The following MOK variants were observed in gnomAD, a reference collection of about 807,000 sequenced individuals.
MOK encodes MOK protein kinase, also known as MAPK/MAK/MRK overlapping kinase.
A neutral mutation model predicts 54.2 loss-of-function variants in MOK; 59 were observed. The observed-to-expected ratio is 1.09, with a 90% confidence interval of 0.88 to 1.35. MOK has a LOEUF of 1.35. Among genes scored for constraint, MOK ranks in the 40% most tolerant of loss-of-function variants. The pLI, the probability that MOK is intolerant of heterozygous loss-of-function variation, is 0.00. For synonymous variants in MOK, 210 were observed against 202.7 expected, an observed-to-expected ratio of 1.04 and a Z score of -0.31; for missense variants, 517 against 526.2, an observed-to-expected ratio of 0.98 and a Z score of 0.17.
At chr14:102,262,337 G>C (rs986614538) in intron 4 of MOK, among the ~76,000 whole-genome samples, 3 of 152,120 alleles carry the variant, frequency 2.0e-5, no homozygotes, top group Non-Finnish European at 4.4e-5. Flanking sequence ...TTTTTTAGTA[G>C]AGACAGGGTT....
At chr14:102,269,724 C>T (rs2068204982) in intron 2 of MOK, among the ~76,000 whole-genome samples, 1 of 152,162 alleles carries the variant, frequency 6.6e-6, no homozygotes, top group Non-Finnish European at 1.5e-5. Context: ...CCACCTGCCT[C>T]AGCCTCCCAA....
At chr14:102,250,368 G>A (rs1597363608) in intron 7 of MOK, among the ~76,000 whole-genome samples, 1 of 151,994 alleles carries the variant, frequency 6.6e-6, no homozygotes, top group African/African-American at 2.4e-5. Context: ...GGAGTGGGGG[G>A]TTTGGAGGAT....
At chr14:102,269,027 A>C (rs1441173520) in intron 2 of MOK, among the ~76,000 whole-genome samples, 1 of 152,308 alleles carries the variant, frequency 6.6e-6, no homozygotes, top group South Asian at 2.1e-4. Flanking sequence ...ATATGAAGAA[A>C]GTCCTCAAAG....
downstream of MOK, chr14:102,224,760 T>C: frequency 2.2e-6 from 1 of 456,122 alleles, no homozygotes; most frequent in South Asian, 1.5e-5. Context: ...GCAGGGACTC[T>C]GGATCACGGG....
chr14:102,263,897 A>G, intron 3 of MOK: 1 of 272,314 alleles, frequency 3.7e-6, no homozygotes, highest in South Asian at 5.2e-5. Flanking sequence ...GAAAGAAGAA[A>G]AAGGTTGGGG....
chr14:102,229,625 G>C lies in MOK; in HGVS notation c.1014C>G (p.Pro338=). 1.9e-6 allele frequency: 3 copies of C among 1,613,724 alleles called. No homozygotes were observed. The highest frequency in any genetic ancestry group is 2.5e-6 in the Non-Finnish European group (3 of 1,179,688). ...KQSLKQEEDR[P]KRRGPAYVME... ...TGACATAGGCCGGTCCTCGTCTCTT[G>C]GGACGGTCCTCCTCTTGCTTTAGGG... The change falls in exon 11 of 12, where the codon CCC becomes CCG. Residue 338 remains proline (P), a synonymous_variant. Coordinates refer to ENST00000361847, the MANE Select transcript of MOK (RefSeq NM_014226.3).
chr14:102,229,043 C>T lies in MOK; in HGVS notation c.*246G>A, dbSNP rs2064387378. 2.0e-6 allele frequency: 1 copy of T among 502,854 alleles called. No individual in the cohort carries two copies. Among genetic ancestry groups the T allele is most frequent in the South Asian group, 3.7e-5 (1 of 27,048 alleles). The allele number at this position is 502,854 out of a possible 1,614,324, so 31.1% of individuals were successfully genotyped here. On this transcript the variant is annotated 3_prime_UTR_variant, in exon 12 of 12. Transcript: ENST00000361847. Reference sequence around the variant, plus strand: ...TACAAAGTATTTCCTGCCCCAAATTCTTAACGAAAATGAAAGAAAACCCTA... The same window carrying T: ...TACAAAGTATTTCCTGCCCCAAATTTTTAACGAAAATGAAAGAAAACCCTA...
chr14:102,214,778 G>A, the MOK span: 1 of 978,562 alleles, frequency 1.0e-6, no homozygotes, highest in South Asian at 4.7e-5. Context: ...ATGAAATATT[G>A]GTAAATTAAA....
At chr14:102,263,733 T>C (rs2067663565) in intron 3 of MOK, 117 bp from the exon 4 acceptor site, 2 of 573,702 alleles carry the variant, frequency 3.5e-6, no homozygotes, top group Non-Finnish European at 5.9e-6. Context: ...CCACATCAAA[T>C]ACTACAGTGT....
the MOK span, among the ~76,000 whole-genome samples, chr14:102,218,946 G>C: frequency 7.4e-4 from 113 of 152,322 alleles, no homozygotes; most frequent in African/African-American, 2.6e-3. Context: ...GGCCGGGCCG[G>C]GCCTTGCCCC....
chr14:102,244,108 C>G (rs2065914084), intron 7 of MOK, among the ~76,000 whole-genome samples: 1 of 152,216 alleles, frequency 6.6e-6, no homozygotes, highest in Non-Finnish European at 1.5e-5. Flanking sequence ...AATAAAAATA[C>G]TTCTCAAGGT....
In MOK at chr14:102,250,932, G is replaced by C. The variant is rs1280780306; in HGVS notation, c.470C>G (p.Pro157Arg). 1 of 1,614,088 alleles carries C rather than the reference G, an allele frequency of 6.2e-7. No individual in the cohort carries two copies. Residue 157 changes from proline to arginine, a missense_variant, in exon 7 of 12, where the codon CCG (proline) becomes CGG (arginine). Physicochemically the swap from Pro to Arg is moderately radical, Grantham distance 103. Coordinates refer to ENST00000361847, the MANE Select transcript of MOK (RefSeq NM_014226.3). ...GCGGGTGGAGATGTATTCCGTGTACGGCTGCTTGGAATAGACACTCCGGCA... is the reference window on the plus strand; with the variant it reads ...GCGGGTGGAGATGTATTCCGTGTACCGCTGCTTGGAATAGACACTCCGGCA... Reference protein sequence around the residue: ...GSCRSVYSKQPYTEYISTRWY... With the variant: ...GSCRSVYSKQRYTEYISTRWY...
Position 102,231,595 on chromosome 14 carries a change from TG to T in MOK, c.981+111del. 1.2e-6 allele frequency: 1 copy of T among 860,554 alleles called. No individual in the cohort carries two copies. Among genetic ancestry groups the T allele is most frequent in the Non-Finnish European group, 1.9e-6 (1 of 529,882 alleles). The allele number at this position is 860,554 out of a possible 1,614,324, so 53.3% of individuals were successfully genotyped here. On this transcript the variant is annotated intron_variant, in intron 10 of 11. Coordinates refer to ENST00000361847, the MANE Select transcript of MOK (RefSeq NM_014226.3). This position sits in a 1 kb window ranked among gnomAD's most constrained non-coding sequence, Gnocchi z 4.4. Reference sequence around the variant, plus strand: ...GCTGTTCAGGCCTCGACTGACAATGTGGTCTGCCACAGCCTCCACAGGTGGC... The same window carrying T: ...GCTGTTCAGGCCTCGACTGACAATGTGTCTGCCACAGCCTCCACAGGTGGC...
At chr14:102,293,401 G>A (rs2070985339) in intron 1 of MOK, among the ~76,000 whole-genome samples, 1 of 152,006 alleles carries the variant, frequency 6.6e-6, no homozygotes, top group Non-Finnish European at 1.5e-5. Context: ...CACATGCACA[G>A]AGAAAGACTG....
intron 4 of MOK, among the ~76,000 whole-genome samples, chr14:102,258,106 A>G (rs2067115481): frequency 6.6e-6 from 1 of 152,194 alleles, no homozygotes; most frequent in Non-Finnish European, 1.5e-5. Context: ...GGTCTGCAAT[A>G]TATTAGAAAT....
intron 5 of MOK, 51 bp from the exon 6 acceptor site, chr14:102,251,855 C>G (rs760902059): frequency 6.5e-7 from 1 of 1,535,294 alleles, no homozygotes; most frequent in Non-Finnish European, 9.0e-7. Context: ...TATTCAAATT[C>G]TTGAATCTGA....
rs531402094 is a variant in MOK, at chr14:102,265,759, C to T, written c.212+64G>A. 3.1e-4 allele frequency: 425 copies of T among 1,362,462 alleles called. 8 individuals are homozygous for T. The South Asian group carries it at 5.0e-3, about 16-fold the overall frequency. 84.4% of individuals were successfully genotyped at this position (1,362,462 alleles called of 1,614,324 possible). A position where few individuals can be genotyped will look rare whatever the true frequency, so the allele number is the denominator to read the frequency against. On this transcript the variant is annotated intron_variant, in intron 3 of 11. Transcript: ENST00000361847. The stretch of plus-strand genomic sequence containing the variant: ...TATTCAAAATGTCTACCATGGTTTT[C>T]TTTCTTAAAAAGAGATTATTTTCAT...
intron 7 of MOK, among the ~76,000 whole-genome samples, chr14:102,234,571 C>T (rs1476272043): frequency 1.3e-5 from 2 of 152,140 alleles, no homozygotes; most frequent in African/African-American, 4.8e-5. Context: ...GGGGACGTCA[C>T]CGGCAGTCTC....
In MOK at chr14:102,296,374, G is replaced by C. The variant is rs1027356211; in HGVS notation, c.7+8588C>G. ...TGTAATCCCATTTGATTTTGGGTAA[G>C]GAACAACCATATATTTATATGTATA... On this transcript the variant is annotated intron_variant, in intron 1 of 11. Transcript: ENST00000361847. Among the ~76,000 whole-genome samples, 67 of 151,778 alleles carry C rather than the reference G, an allele frequency of 4.4e-4. 2 individuals carry two copies. The highest frequency in any genetic ancestry group is 5.9e-5 in the Non-Finnish European group (4 of 67,986).
Sources: gnomAD v4.1 joint callset for allele counts (sites outside exome capture counted in the v4.1 genomes callset) on GRCh38, gnomAD v4.1.1 for gene constraint, Gnocchi (gnomAD v3.1) non-coding constraint, MANE v1.5 for transcripts, NCBI Gene and HGNC (gene_info 2026-07-23, HGNC 2026-07-21) for gene names.